FAM120B: variants seen among roughly 807,000 people sequenced by gnomAD.
The protein encoded by FAM120B is family with sequence similarity 120 member B.
Under a neutral mutation model 96.3 loss-of-function variants are expected in FAM120B, and 83 were observed. The observed-to-expected ratio is 0.86, with a 90% CI of 0.72 to 1.03. FAM120B has a LOEUF of 1.03. Ranked by LOEUF, FAM120B falls within the 50% of genes least tolerant of loss-of-function variation. FAM120B has a pLI of 0.00. For missense variants in FAM120B, 1,027 were observed against 1,121.2 expected (o/e 0.92, Z 1.20); for synonymous variants, 407 against 402.7 (o/e 1.01, Z -0.13).
chr6:170,367,534 T>G (rs772507625), intron 6 of FAM120B, among the ~76,000 whole-genome samples: 13 of 152,274 alleles, frequency 8.5e-5, no homozygotes, highest in Admixed American at 3.3e-4. Flanking sequence ...CATCTGGCTC[T>G]TTCCAGAAGA....
chr6:170,305,023 C>G (rs907993284), upstream of FAM120B, among the ~76,000 whole-genome samples: 1 of 152,066 alleles, frequency 6.6e-6, no homozygotes, highest in African/African-American at 2.4e-5. Context: ...TATCCTCACA[C>G]GGTGGAAAGT....
upstream of FAM120B, among the ~76,000 whole-genome samples, chr6:170,305,696 AG>A (rs1484664042): frequency 6.6e-6 from 1 of 152,234 alleles, no homozygotes; most frequent in African/African-American, 2.4e-5. Flanking sequence ...CTTACTTTTC[AG>A]AAAAATAAAT....
chr6:170,310,811 G>T (rs1784546090), intron 1 of FAM120B, among the ~76,000 whole-genome samples: 1 of 152,190 alleles, frequency 6.6e-6, no homozygotes. Flanking sequence ...GCTTCTCAGA[G>T]GACTCCGAGT....
chr6:170,301,366 G>C (rs1207344619), intron 1 of FAM120B, among the ~76,000 whole-genome samples: 1 of 152,264 alleles, frequency 6.6e-6, no homozygotes, highest in Non-Finnish European at 1.5e-5. Flanking sequence ...CACAGAAAGG[G>C]GGGGCCTGGG....
In FAM120B at chr6:170,324,192, C is replaced by T. The variant is rs572982246; in HGVS notation, c.1915+933C>T. On this transcript the variant is annotated intron_variant, in intron 3 of 10. Transcript: ENST00000476287. Reference sequence around the variant, plus strand: ...CATAATCTAAAAGTGGTGATAGAATCATCAGATGGAAAAGTCATCATTATT... The same window carrying T: ...CATAATCTAAAAGTGGTGATAGAATTATCAGATGGAAAAGTCATCATTATT... Among the ~76,000 whole-genome samples the T allele has an allele frequency of 3.6e-4, 55 of 152,274 alleles. 1 individual carries two copies. In the South Asian group the frequency reaches 0.011, roughly 30 times the overall value.
At chr6:170,320,225 C>A (rs1032224253) in intron 2 of FAM120B, among the ~76,000 whole-genome samples, 2 of 152,190 alleles carry the variant, frequency 1.3e-5, no homozygotes, top group African/African-American at 4.8e-5. Flanking sequence ...TAAGGAAGCT[C>A]CTGCTCCTAG....
intron 5 of FAM120B, among the ~76,000 whole-genome samples, chr6:170,355,364 C>T (rs1276654174): frequency 6.6e-6 from 1 of 152,218 alleles, no homozygotes; most frequent in Non-Finnish European, 1.5e-5. Flanking sequence ...GGTACATATA[C>T]ACCATGGAAT....
At chr6:170,304,453 G>A (rs948264462), upstream of FAM120B, among the ~76,000 whole-genome samples, 11 of 152,308 alleles carry the variant, frequency 7.2e-5, no homozygotes, top group African/African-American at 1.4e-4. Flanking sequence ...GGGCCCTTTC[G>A]ATACGAGAAT....
chr6:170,358,413 T>A, intron 6 of FAM120B, 95 bp downstream of exon 6: 2 of 913,742 alleles, frequency 2.2e-6, no homozygotes, highest in Non-Finnish European at 3.4e-6. Flanking sequence ...ACAGAAAAGA[T>A]CAGGAAGGTA....
chr6:170,292,241 A>AT (rs2114970959), upstream of FAM120B, among the ~76,000 whole-genome samples: 1 of 152,028 alleles, frequency 6.6e-6, no homozygotes, highest in East Asian at 1.9e-4. The surrounding 1 kb of genome is among the most constrained non-coding windows in gnomAD (Gnocchi z 6.6). Context: ...TTTTGTTTTC[A>AT]TTTTTTAAAG....
At chr6:170,382,488 C>T (rs1392022384) in intron 6 of FAM120B, among the ~76,000 whole-genome samples, 1 of 152,140 alleles carries the variant, frequency 6.6e-6, no homozygotes, top group East Asian at 1.9e-4. Flanking sequence ...AAATCACTTG[C>T]ATTTCTATAT....
At chr6:170,361,229 T>TATATATAC (rs1401777189) in intron 6 of FAM120B, among the ~76,000 whole-genome samples, 1 of 125,288 alleles carries the variant, frequency 8.0e-6, no homozygotes, top group African/African-American at 2.9e-5. Flanking sequence ...TATATATATA[T>TATATATAC]ATATATACAC....
intron 1 of FAM120B, among the ~76,000 whole-genome samples, chr6:170,296,865 G>T (rs189830200): frequency 7.2e-5 from 11 of 152,268 alleles, no homozygotes; most frequent in African/African-American, 1.7e-4. Context: ...TCGAGGCGTC[G>T]CACCTGGAAA....
At chr6:170,311,424 T>C (rs1004824622) in intron 1 of FAM120B, among the ~76,000 whole-genome samples, 1 of 152,214 alleles carries the variant, frequency 6.6e-6, no homozygotes, top group Non-Finnish European at 1.5e-5. Flanking sequence ...AATTGCAAGT[T>C]AGATTAAACT....
At position 170,406,836 on chromosome 6, in the gene FAM120B, T is replaced by TAC. The variant is rs1778819745; in HGVS notation, c.*2085_*2086insAC. 3 of 152,236 alleles carry TAC rather than the reference T, an allele frequency of 2.0e-5. No homozygotes were observed. Among genetic ancestry groups the TAC allele is most frequent in the African/African-American group, 7.2e-5 (3 of 41,462 alleles). 9.4% of individuals were successfully genotyped at this position (152,236 alleles called of 1,614,324 possible). ...AGAGAGTGGGTGTCTGTGAAAATTGTTTTCTCCTTCATAATACCTAAATTC... is the reference window on the plus strand; with the variant it reads ...AGAGAGTGGGTGTCTGTGAAAATTGTACTTTCTCCTTCATAATACCTAAATTC... On this transcript the variant is annotated 3_prime_UTR_variant, in exon 11 of 11. Transcript: ENST00000476287.
chr6:170,316,505 A>G (rs1043287755), intron 1 of FAM120B, among the ~76,000 whole-genome samples: 18 of 152,334 alleles, frequency 1.2e-4, no homozygotes, highest in African/African-American at 4.3e-4. Context: ...CGCCTTTTAT[A>G]ATGTCATATA....
At chr6:170,330,790 A>G (rs1785973330) in intron 4 of FAM120B, 1 of 518,740 alleles carries the variant, frequency 1.9e-6, no homozygotes, top group African/African-American at 1.9e-5. Flanking sequence ...TTCTCCATCC[A>G]CCCTGGTCCA....
intron 5 of FAM120B, among the ~76,000 whole-genome samples, chr6:170,353,867 A>G (rs1191154918): frequency 6.6e-6 from 1 of 152,232 alleles, no homozygotes; most frequent in Non-Finnish European, 1.5e-5. Context: ...TATAGATTCA[A>G]TGCTATTCCC....
intron 6 of FAM120B, among the ~76,000 whole-genome samples, chr6:170,361,664 T>A (rs545542825): frequency 1.3e-5 from 2 of 152,320 alleles, no homozygotes; most frequent in East Asian, 3.9e-4. Context: ...TTCTAGTGTA[T>A]GGTTCTAGAG....
Sources: allele counts gnomAD v4.1 joint callset (sites outside exome capture counted in the v4.1 genomes callset), GRCh38; gene constraint gnomAD v4.1.1; non-coding constraint Gnocchi (gnomAD v3.1); transcripts MANE v1.5; gene names NCBI Gene and HGNC (gene_info 2026-07-23, HGNC 2026-07-21).